The following NHS variants were observed in gnomAD, a reference collection of about 807,000 sequenced individuals.
NHS encodes the protein actin remodeling regulator NHS.
In NHS, 5 loss-of-function variants were observed where a neutral mutation model predicts 72.5. The observed-to-expected ratio is 0.07, with a 90% confidence interval of 0.04 to 0.14. NHS has a LOEUF of 0.14. Ranked by LOEUF, NHS falls within the 10% of genes least tolerant of loss-of-function variation. NHS has a pLI of 1.00. For synonymous variants in NHS, 464 were observed against 547.7 expected, an observed-to-expected ratio of 0.85 and a Z score of 2.13; for missense variants, 1,072 against 1,355.7, an observed-to-expected ratio of 0.79 and a Z score of 3.29.
rs529399893 is a variant in NHS, at chrX:17,613,328, G to A, written c.566-74414G>A. Among the ~76,000 whole-genome samples, 15 of 111,787 alleles carry A rather than the reference G, an allele frequency of 1.3e-4. No homozygotes were observed. In the South Asian group the frequency reaches 4.6e-3, roughly 34 times the overall value. ...GCAGAGGTTGCAGTGAGCTGAGATC[G>A]TGCCTTTGGTCTTAAAGGTAGTGTC... On this transcript the variant is annotated intron_variant, in intron 1 of 8. Coordinates refer to ENST00000676302, the MANE Select transcript of NHS (RefSeq NM_001291867.2).
chrX:17,589,279 A>G (rs993209943), intron 1 of NHS, among the ~76,000 whole-genome samples: 1 of 111,443 alleles, frequency 9.0e-6, no homozygotes, highest in Non-Finnish European at 1.9e-5. Context: ...GTATATACTG[A>G]ACCCAATTTG....
chrX:17,717,216 C>T (rs2066369960), intron 3 of NHS, among the ~76,000 whole-genome samples: 1 of 112,402 alleles, frequency 8.9e-6, no homozygotes, highest in South Asian at 3.7e-4. Context: ...ATCCGCCTGC[C>T]TTGGGCTCCC....
At chrX:17,595,281 A>T (rs1196399487) in intron 1 of NHS, among the ~76,000 whole-genome samples, 1 of 111,585 alleles carries the variant, frequency 9.0e-6, no homozygotes, top group Admixed American at 9.5e-5. Context: ...GATGGTATAG[A>T]CACTTTCCCT....
At chrX:17,729,319 C>G (rs1318323742) in intron 8 of NHS, among the ~76,000 whole-genome samples, 3 of 111,914 alleles carry the variant, frequency 2.7e-5, no homozygotes, top group Non-Finnish European at 5.6e-5. Flanking sequence ...ACATTGTACC[C>G]TATAACTATA....
At chrX:17,432,452 A>G (rs970058814) in intron 1 of NHS, among the ~76,000 whole-genome samples, 1 of 112,811 alleles carries the variant, frequency 8.9e-6, no homozygotes, top group Non-Finnish European at 1.9e-5. Context: ...CAATGAATGA[A>G]TATTTGTTGA....
intron 1 of NHS, among the ~76,000 whole-genome samples, chrX:17,629,320 TTC>T (rs2065813957): frequency 8.9e-6 from 1 of 112,105 alleles, no homozygotes; most frequent in Non-Finnish European, 1.9e-5. Context: ...AAGCATATTG[TTC>T]TCTTTTTTGC....
At chrX:17,588,038 G>A (rs1024150717) in intron 1 of NHS, among the ~76,000 whole-genome samples, 6 of 112,272 alleles carry the variant, frequency 5.3e-5, no homozygotes, top group Non-Finnish European at 1.1e-4. Context: ...ATGCCTGAAT[G>A]TAGATGGTTC....
chrX:17,436,252 C>T (rs1372874240), intron 1 of NHS, among the ~76,000 whole-genome samples: 2 of 111,400 alleles, frequency 1.8e-5, no homozygotes, highest in African/African-American at 6.5e-5. Context: ...GGGGGAAACA[C>T]CCCAAATATA....
chrX:17,613,550 C>G (rs765953261), intron 1 of NHS, among the ~76,000 whole-genome samples: 2 of 111,565 alleles, frequency 1.8e-5, no homozygotes, highest in African/African-American at 6.5e-5. Context: ...TTCTGCCCCC[C>G]TTCTTAGAGC....
Position 17,375,790 on chromosome X carries a change from A to G in NHS, c.33A>G (p.Gln11=), listed in dbSNP as rs1462374274. The G allele has an allele frequency of 1.8e-5, 21 of 1,151,507 alleles. No individual in the cohort carries two copies. The highest frequency in any genetic ancestry group is 2.4e-5 in the Non-Finnish European group (21 of 871,693). The allele number at this position is 1,151,507 out of a possible 1,213,427, so 94.9% of individuals were successfully genotyped here. MPFAKRIVEP[Q]WLCRQRRPAP... ...TCGCCAAGCGGATCGTGGAGCCGCAATGGCTGTGCAGGCAGCGGCGCCCTG... is the reference window on the plus strand; with the variant it reads ...TCGCCAAGCGGATCGTGGAGCCGCAGTGGCTGTGCAGGCAGCGGCGCCCTG... The change falls in exon 1 of 9, where the codon CAA becomes CAG. Residue 11 remains glutamine, a synonymous_variant. Transcript: ENST00000676302.
chrX:17,632,669 G>T (rs1016126700), intron 1 of NHS, among the ~76,000 whole-genome samples: 1 of 111,335 alleles, frequency 9.0e-6, no homozygotes, highest in Non-Finnish European at 1.9e-5. Flanking sequence ...AGTTCTCTGA[G>T]CCTCAGTTCT....
intron 1 of NHS, among the ~76,000 whole-genome samples, chrX:17,453,531 C>G: frequency 8.9e-6 from 1 of 111,818 alleles, no homozygotes. Context: ...ACTACTAGAT[C>G]TTGTTATTCA....
At chrX:17,718,906 G>A (rs1294908715) in intron 3 of NHS, among the ~76,000 whole-genome samples, 1 of 92,656 alleles carries the variant, frequency 1.1e-5, no homozygotes, top group African/African-American at 4.1e-5. Flanking sequence ...AAAGAAGGAA[G>A]AGGAAAGGAA....
chrX:17,433,037 C>G (rs941610235), intron 1 of NHS, among the ~76,000 whole-genome samples: 1 of 106,157 alleles, frequency 9.4e-6, no homozygotes, highest in Non-Finnish European at 2.0e-5. Flanking sequence ...TTTGCTCCCC[C>G]TTTTTTTTTT....
intron 1 of NHS, among the ~76,000 whole-genome samples, chrX:17,591,008 A>G (rs1209678943): frequency 8.9e-6 from 1 of 112,306 alleles, no homozygotes; most frequent in Non-Finnish European, 1.9e-5. Flanking sequence ...TTTCTTGAGT[A>G]CTGTGTTCCA....
At chrX:17,714,191 A>G (rs1301979668) in intron 3 of NHS, among the ~76,000 whole-genome samples, 1 of 109,937 alleles carries the variant, frequency 9.1e-6, no homozygotes, top group Non-Finnish European at 1.9e-5. Context: ...TATATTATGA[A>G]AAATCTCAAA....
intron 3 of NHS, among the ~76,000 whole-genome samples, chrX:17,695,531 C>T (rs200313684): frequency 6.3e-5 from 7 of 111,246 alleles, no homozygotes; most frequent in Admixed American, 2.9e-4. Context: ...CATATACATA[C>T]GCATAGGGGG....
intron 1 of NHS, among the ~76,000 whole-genome samples, chrX:17,470,040 A>G (rs2064885708): frequency 9.0e-6 from 1 of 111,311 alleles, no homozygotes; most frequent in Non-Finnish European, 1.9e-5. Flanking sequence ...GCAGGCCTAC[A>G]CAGCAGACTG....
intron 1 of NHS, among the ~76,000 whole-genome samples, chrX:17,574,449 A>G (rs1173809161): frequency 8.9e-6 from 1 of 112,311 alleles, no homozygotes; most frequent in Non-Finnish European, 1.9e-5. Flanking sequence ...TCCCAGGTCT[A>G]TCTCAGAATG....
Sources: gnomAD v4.1 joint callset for allele counts (sites outside exome capture counted in the v4.1 genomes callset) on GRCh38, gnomAD v4.1.1 for gene constraint, MANE v1.5 for transcripts, NCBI Gene and HGNC (gene_info 2026-07-23, HGNC 2026-07-21) for gene names.